The following XXYLT1 variants were observed in gnomAD, a reference collection of about 807,000 sequenced individuals.
The protein encoded by XXYLT1 is UDP-xylose:alpha-xyloside alpha-1,3-xylosyltransferase.
A neutral mutation model predicts 28.9 loss-of-function variants in XXYLT1; 20 were observed. That is an observed-to-expected ratio of 0.69 (90% CI 0.49 to 1.00). XXYLT1 has a LOEUF of 1.00. Among genes scored for constraint, XXYLT1 ranks in the 50% least tolerant of loss-of-function variants. XXYLT1 has a pLI of 0.00. For synonymous variants in XXYLT1, 257 were observed against 253.8 expected (o/e 1.01, Z -0.12); for missense variants, 542 against 560.1 (o/e 0.97, Z 0.33).
At chr3:195,185,048 C>T (rs1267811876) in intron 2 of XXYLT1, among the ~76,000 whole-genome samples, 1 of 147,392 alleles carries the variant, frequency 6.8e-6, no homozygotes, top group African/African-American at 2.5e-5. Context: ...CACAAATGAC[C>T]TCACTCCCAT....
intron 3 of XXYLT1, chr3:195,154,209 C>T (rs1720438131): frequency 6.6e-6 from 1 of 152,126 alleles, no homozygotes; most frequent in African/African-American, 2.4e-5. Flanking sequence ...TGGATGCAGC[C>T]AGCGCCAGGG....
chr3:195,112,726 C>T (rs995849351), intron 3 of XXYLT1, among the ~76,000 whole-genome samples: 5 of 150,642 alleles, frequency 3.3e-5, no homozygotes, highest in East Asian at 1.9e-4. Flanking sequence ...CAGCTCCCAG[C>T]CCCGGGTGGT....
intron 2 of XXYLT1, among the ~76,000 whole-genome samples, chr3:195,160,117 C>G (rs1313571251): frequency 2.0e-5 from 3 of 151,392 alleles, no homozygotes; most frequent in South Asian, 2.1e-4. Context: ...AAATAGTGAG[C>G]CTTCTGTCCT....
intron 1 of XXYLT1, among the ~76,000 whole-genome samples, chr3:195,238,235 T>C (rs1724636571): frequency 1.3e-5 from 2 of 152,138 alleles, no homozygotes; most frequent in South Asian, 4.1e-4. Context: ...CATCCTTGCA[T>C]GCCTGTACTT....
At chr3:195,089,168 A>G (rs1715988113) in intron 3 of XXYLT1, among the ~76,000 whole-genome samples, 1 of 151,326 alleles carries the variant, frequency 6.6e-6, no homozygotes, top group Admixed American at 6.6e-5. Flanking sequence ...TTCAGGAAAT[A>G]CAGAGAACGC....
intron 1 of XXYLT1, among the ~76,000 whole-genome samples, chr3:195,260,462 G>A (rs971776859): frequency 1.3e-5 from 2 of 152,208 alleles, no homozygotes; most frequent in African/African-American, 4.8e-5. Flanking sequence ...GGCAGCCTCG[G>A]GCACGGGGCA....
rs931002397 is a variant in XXYLT1 at position 195,210,759 on chromosome 3, A to G, written c.652+15950T>C. 2.0e-5 allele frequency among the ~76,000 whole-genome samples: 3 copies of G among 152,136 alleles called. No individual in the cohort carries two copies. The highest frequency in any genetic ancestry group is 7.2e-5 in the African/African-American group (3 of 41,444). ...TTTGCTCCATAAGAGCTGCCAGAAA[A>G]TAGTTTTCACTGAAATCACTGGACA... On this transcript the variant is annotated intron_variant, in intron 2 of 3. Transcript: ENST00000310380. The surrounding 1 kb of genome is among the most constrained non-coding windows in gnomAD (Gnocchi z 4.8).
chr3:195,087,992 G>T (rs1372964905), intron 3 of XXYLT1, among the ~76,000 whole-genome samples: 2 of 152,046 alleles, frequency 1.3e-5, no homozygotes, highest in East Asian at 1.9e-4. Flanking sequence ...TTAAAAAACG[G>T]CGCACCACGA....
At chr3:195,194,082 T>C (rs1197729907) in intron 2 of XXYLT1, among the ~76,000 whole-genome samples, 1 of 151,912 alleles carries the variant, frequency 6.6e-6, no homozygotes. Flanking sequence ...AAAAATTTTG[T>C]GCATAAAAAA....
intron 3 of XXYLT1, among the ~76,000 whole-genome samples, chr3:195,114,854 C>A (rs1290399632): frequency 2.6e-5 from 4 of 152,238 alleles, no homozygotes; most frequent in African/African-American, 9.6e-5. Flanking sequence ...AGTGAAGCCG[C>A]TCAGTGGTCT....
At chr3:195,228,582 G>A (rs1201475931) in intron 1 of XXYLT1, among the ~76,000 whole-genome samples, 39 of 145,330 alleles carry the variant, frequency 2.7e-4, no homozygotes, top group Non-Finnish European at 4.8e-4. Flanking sequence ...ACCGCCTCCC[G>A]GGTTCAAGCG....
chr3:195,242,104 C>T (rs766424415), intron 1 of XXYLT1, among the ~76,000 whole-genome samples: 41 of 152,200 alleles, frequency 2.7e-4, no homozygotes, highest in Admixed American at 9.8e-4. Flanking sequence ...CAGGTAGGAA[C>T]GAGCAAATAA....
chr3:195,251,652 C>T lies in XXYLT1; in HGVS notation c.504+18903G>A, dbSNP rs530373305. Among the ~76,000 whole-genome samples the T allele has an allele frequency of 4.6e-5, 7 of 152,334 alleles. No individual in the cohort carries two copies. The South Asian group carries it at 1.5e-3, about 32-fold the overall frequency. ...GAAGTCTGAGGTGGCACAAAGGAGCCACGCAGGTCTGCTCTCAAAGTTTCC... is the reference window on the plus strand; with the variant it reads ...GAAGTCTGAGGTGGCACAAAGGAGCTACGCAGGTCTGCTCTCAAAGTTTCC... On this transcript the variant is annotated intron_variant, in intron 1 of 3. Transcript: ENST00000310380.
intron 2 of XXYLT1, among the ~76,000 whole-genome samples, chr3:195,188,403 A>T (rs987032206): frequency 6.6e-6 from 1 of 152,244 alleles, no homozygotes; most frequent in Non-Finnish European, 1.5e-5. Flanking sequence ...ACAACCTGAC[A>T]ACCAGAAGTT....
chr3:195,155,247 A>G (rs1720502700), intron 3 of XXYLT1, among the ~76,000 whole-genome samples: 1 of 152,220 alleles, frequency 6.6e-6, no homozygotes, highest in Admixed American at 6.5e-5. Context: ...GGGGAAACAC[A>G]GGCTCTTGAC....
At chr3:195,166,505 AAT>A (rs1362405710) in intron 2 of XXYLT1, among the ~76,000 whole-genome samples, 1 of 152,178 alleles carries the variant, frequency 6.6e-6, no homozygotes, top group Non-Finnish European at 1.5e-5. Context: ...GTAACACCCC[AAT>A]ACTATTTCAT....
intron 3 of XXYLT1, among the ~76,000 whole-genome samples, chr3:195,125,045 G>T (rs925626647): frequency 1.3e-5 from 2 of 152,022 alleles, no homozygotes; most frequent in African/African-American, 4.8e-5. Context: ...CAGGGAAAGA[G>T]AAAAAAATGA....
intron 3 of XXYLT1, among the ~76,000 whole-genome samples, chr3:195,086,597 T>C (rs1039056528): frequency 2.0e-5 from 3 of 152,110 alleles, no homozygotes; most frequent in African/African-American, 7.2e-5. Context: ...TCAGGGAAGC[T>C]GACCTTGCTG....
intron 1 of XXYLT1, among the ~76,000 whole-genome samples, chr3:195,244,991 C>T (rs1724956435): frequency 6.7e-6 from 1 of 150,134 alleles, no homozygotes; most frequent in Non-Finnish European, 1.5e-5. Flanking sequence ...CATGGAGAAA[C>T]CCCCGTCTCT....
Sources: allele counts gnomAD v4.1 joint callset (sites outside exome capture counted in the v4.1 genomes callset), GRCh38; gene constraint gnomAD v4.1.1; non-coding constraint Gnocchi (gnomAD v3.1); transcripts MANE v1.5; gene names NCBI Gene and HGNC (gene_info 2026-07-23, HGNC 2026-07-21).